LURAP1: variants seen among roughly 807,000 people sequenced by gnomAD.
The protein encoded by LURAP1 is leucine rich adaptor protein 1, also known as NF-kappa-B activator C1orf190.
In LURAP1, 14 loss-of-function variants were observed where a neutral mutation model predicts 19.0. The ratio of observed to expected loss-of-function variants is 0.74; its 90% CI spans 0.49 to 1.15. The LOEUF is 1.15. LURAP1 is among the 50% of genes most tolerant of loss of function. LURAP1 has a pLI of 0.00. For synonymous variants in LURAP1, 129 were observed against 131.8 expected, an observed-to-expected ratio of 0.98 and a Z score of 0.14; for missense variants, 273 against 309.1, an observed-to-expected ratio of 0.88 and a Z score of 0.87.
intron 1 of LURAP1, among the ~76,000 whole-genome samples, chr1:46,214,622 C>T (rs1411544129): frequency 4.6e-5 from 7 of 151,846 alleles, no homozygotes; most frequent in Non-Finnish European, 1.0e-4. Flanking sequence ...AATCCCAGCA[C>T]TTGGGAGGCC....
chr1:46,203,744 C>A, intron 1 of LURAP1, 120 bp downstream of exon 1: 1 of 918,636 alleles, frequency 1.1e-6, no homozygotes, highest in Non-Finnish European at 1.6e-6. Context: ...CCTAACTGCT[C>A]AGAATCCCTC....
In LURAP1 at chr1:46,219,693, C is replaced by T. The variant is rs1022151437; in HGVS notation, c.199-6C>T. 6.4e-7 allele frequency: 1 copy of T among 1,574,664 alleles called. No individual in the cohort carries two copies. Among genetic ancestry groups the T allele is most frequent in the Non-Finnish European group, 8.6e-7 (1 of 1,159,376 alleles). ...CTGGGACTAATTCCTTCTCCCACTC[C>T]CCCAGGCTTACCTGCGAGCCATCGA... is the stretch of plus-strand genomic sequence containing the variant. On this transcript the variant is annotated splice_polypyrimidine_tract_variant and splice_region_variant and intron_variant, in intron 1 of 1. Transcript: ENST00000371980.
chr1:46,219,909 G>A lies in LURAP1; in HGVS notation c.409G>A (p.Asp137Asn), dbSNP rs201962542. 2.5e-5 allele frequency: 41 copies of A among 1,614,070 alleles called. No homozygotes were observed. The highest frequency in any genetic ancestry group is 1.3e-4 in the Admixed American group (8 of 60,028). The change falls in exon 2 of 2, where the codon GAC becomes AAC. Residue 137 changes from aspartate (D) to asparagine (N), a missense_variant. Asp to Asn is a conservative substitution (Grantham distance 23, BLOSUM62 1). Transcript: ENST00000371980. ...WDSLPDTSTT[D>N]RLDSVSIGSF... ...CAGCCTGCCAGACACCAGCACCACC[G>A]ACCGGCTGGACAGTGTCTCTATTGG...
chr1:46,210,665 A>C (rs1364579591), intron 1 of LURAP1, among the ~76,000 whole-genome samples: 1 of 152,182 alleles, frequency 6.6e-6, no homozygotes, highest in African/African-American at 2.4e-5. Flanking sequence ...AGATGAAGAG[A>C]TGCATGGGGC....
At chr1:46,204,180 C>T (rs766272052) in intron 1 of LURAP1, among the ~76,000 whole-genome samples, 2 of 152,168 alleles carry the variant, frequency 1.3e-5, no homozygotes, top group Non-Finnish European at 2.9e-5. Context: ...ATGGAAAGTT[C>T]CTAGACCCAT....
chr1:46,209,533 TTTTC>T (rs1658826014), intron 1 of LURAP1, among the ~76,000 whole-genome samples: 2 of 130,828 alleles, frequency 1.5e-5, no homozygotes, highest in Admixed American at 1.6e-4. Flanking sequence ...TCTGTTGTTG[TTTTC>T]TTTTTTTTTT....
intron 1 of LURAP1, among the ~76,000 whole-genome samples, chr1:46,216,554 C>G (rs1659077905): frequency 6.6e-6 from 1 of 152,108 alleles, no homozygotes; most frequent in Non-Finnish European, 1.5e-5. Flanking sequence ...GTTACCTAGG[C>G]TGATCTCAAA....
At chr1:46,210,287 T>G (rs967516773) in intron 1 of LURAP1, among the ~76,000 whole-genome samples, 2 of 152,186 alleles carry the variant, frequency 1.3e-5, no homozygotes, top group African/African-American at 4.8e-5. Context: ...TTTTTTTAAT[T>G]TTTTCACTTA....
chr1:46,211,796 G>A (rs1436993311), intron 1 of LURAP1, among the ~76,000 whole-genome samples: 3 of 152,042 alleles, frequency 2.0e-5, no homozygotes, highest in Non-Finnish European at 4.4e-5. Flanking sequence ...ACGGAGTCTT[G>A]CTCTGTTGCC....
In LURAP1 at chr1:46,203,600, G is replaced by A. The variant is rs570474263; in HGVS notation, c.174G>A (p.Lys58=). 5 of 1,597,678 alleles carry A rather than the reference G, an allele frequency of 3.1e-6. No homozygotes were observed. Among genetic ancestry groups the A allele is most frequent in the Middle Eastern group, 1.7e-4 (1 of 5,984 alleles). ...GCACCGGCCACGACTTGGGGGACAA[G>A]ATCATGGCGCTGAAGATGGAGCTGG... ...ASSTGHDLGD[K]IMALKMELAY... Residue 58 remains lysine (K), a synonymous_variant, in exon 1 of 2, where the codon AAG becomes AAA. Transcript: ENST00000371980.
intron 1 of LURAP1, among the ~76,000 whole-genome samples, chr1:46,219,091 G>A (rs1659151262): frequency 6.6e-6 from 1 of 152,054 alleles, no homozygotes; most frequent in Admixed American, 6.5e-5. Context: ...AAGGTCAAGG[G>A]TTTGAGACCA....
At position 46,210,368 on chromosome 1, in the gene LURAP1, A is replaced by C. The variant is rs1315026384; in HGVS notation, c.198+6744A>C. ...TGAGGATTTCTTCCCACCAGCAAGC[A>C]AGCAATCAGTTCTGCAGCAGATACC... On this transcript the variant is annotated intron_variant, in intron 1 of 1. Coordinates refer to ENST00000371980, the MANE Select transcript of LURAP1 (RefSeq NM_001013615.3). Among the ~76,000 whole-genome samples the C allele has an allele frequency of 4.6e-5, 7 of 152,212 alleles. No individual in the cohort carries two copies. In the South Asian group the frequency reaches 1.4e-3, roughly 32 times the overall value.
At position 46,220,318 on chromosome 1, in the gene LURAP1, C is replaced by T. The variant is rs1659201634; in HGVS notation, c.*98C>T. The T allele has an allele frequency of 7.6e-7, 1 of 1,309,062 alleles. No individual in the cohort carries two copies. Among genetic ancestry groups the T allele is most frequent in the African/African-American group, 1.5e-5 (1 of 67,948 alleles). 81.1% of individuals were successfully genotyped at this position (1,309,062 alleles called of 1,614,324 possible). ...CCCTCAGTCTGAGACTAGGAAGAGG[C>T]TGCACTGAAATCAGTTACCATGGAA... On this transcript the variant is annotated 3_prime_UTR_variant, in exon 2 of 2. Coordinates refer to ENST00000371980, the MANE Select transcript of LURAP1 (RefSeq NM_001013615.3).
At position 46,220,133 on chromosome 1, in the gene LURAP1, T is replaced by G. The variant is rs1255320068; in HGVS notation, c.633T>G (p.Pro211=). The stretch of plus-strand genomic sequence containing the variant: ...GGGAGAGGCTTCAAGGTGGACCACC[T>G]GAGTCACCAGAGGATGAGAGTGCCA... ...PPGERLQGGP[P]ESPEDESAKL... The change falls in exon 2 of 2, where the codon CCT becomes CCG. Residue 211 remains proline, a synonymous_variant. Transcript: ENST00000371980. The G allele has an allele frequency of 1.9e-6, 3 of 1,614,070 alleles. No individual in the cohort carries two copies. The African/African-American group carries it at 4.0e-5, about 22-fold the overall frequency.
chr1:46,216,417 C>G (rs1448606576), intron 1 of LURAP1, among the ~76,000 whole-genome samples: 2 of 152,152 alleles, frequency 1.3e-5, no homozygotes, highest in Non-Finnish European at 2.9e-5. Flanking sequence ...CCATGGATCA[C>G]TGCAGCCTTG....
At chr1:46,219,122 C>A (rs929184675) in intron 1 of LURAP1, among the ~76,000 whole-genome samples, 5 of 151,942 alleles carry the variant, frequency 3.3e-5, no homozygotes, top group Non-Finnish European at 5.9e-5. Flanking sequence ...CATGGTGAAA[C>A]CTGTCTCTAC....
chr1:46,207,344 T>G (rs904032067), intron 1 of LURAP1, among the ~76,000 whole-genome samples: 1 of 151,736 alleles, frequency 6.6e-6, no homozygotes, highest in African/African-American at 2.4e-5. Flanking sequence ...CCTCCCAAAG[T>G]GCTGGGATTA....
Position 46,204,250 on chromosome 1 carries a change from C to T in LURAP1, c.198+626C>T, listed in dbSNP as rs1016895462. On this transcript the variant is annotated intron_variant, in intron 1 of 1. Coordinates refer to ENST00000371980, the MANE Select transcript of LURAP1 (RefSeq NM_001013615.3). ...GATTCCCTCGCCTCAGACTCAGTCT[C>T]CTCCCAGCCAGTCTTCCAGGTAAAC... Among the ~76,000 whole-genome samples, 4 of 152,210 alleles carry T rather than the reference C, an allele frequency of 2.6e-5. No individual in the cohort carries two copies. The South Asian group carries it at 8.3e-4, about 32-fold the overall frequency.
At chr1:46,219,539 A>C (rs1323442788) in intron 1 of LURAP1, among the ~76,000 whole-genome samples, 160 bp from the exon 2 acceptor site, 1 of 152,250 alleles carries the variant, frequency 6.6e-6, no homozygotes, top group African/African-American at 2.4e-5. Context: ...AATGTTAGGC[A>C]GCAGTCTGTC....
Sources: gnomAD v4.1 joint callset for allele counts (sites outside exome capture counted in the v4.1 genomes callset) on GRCh38, gnomAD v4.1.1 for gene constraint, MANE v1.5 for transcripts, NCBI Gene and HGNC (gene_info 2026-07-23, HGNC 2026-07-21) for gene names.